Variants in RAPGEF6 observed in about 807,000 individuals in gnomAD.
RAPGEF6 encodes the protein Rap guanine nucleotide exchange factor 6, also known as PDZ domain containing guanine nucleotide exchange factor (GEF) 2.
RAPGEF6 carries 56 observed loss-of-function variants against 171.4 expected under a neutral mutation model. The ratio of observed to expected loss-of-function variants is 0.33; its 90% CI spans 0.26 to 0.41. The LOEUF (loss-of-function observed/expected upper bound fraction) is 0.41. Ranked by LOEUF, RAPGEF6 falls within the 10% of genes least tolerant of loss-of-function variation. The pLI is 1.00. For synonymous variants in RAPGEF6, 692 were observed against 650.1 expected, an observed-to-expected ratio of 1.06 and a Z score of -0.98; for missense variants, 1,674 against 1,921.4, an observed-to-expected ratio of 0.87 and a Z score of 2.41.
Position 131,442,544 on chromosome 5 carries a change from G to A in RAPGEF6, c.3422-7C>T. On this transcript the variant is annotated splice_polypyrimidine_tract_variant and splice_region_variant and intron_variant, in intron 22 of 27. Coordinates refer to ENST00000509018, the MANE Select transcript of RAPGEF6 (RefSeq NM_016340.6). ...TCACTTAAATTCTTGGTCACTAACA[G>A]GAGAGAGTAAGAAATAAGTAACTGC... The A allele has an allele frequency of 6.2e-7, 1 of 1,613,152 alleles. No individual in the cohort carries two copies. Among genetic ancestry groups the A allele is most frequent in the Non-Finnish European group, 8.5e-7 (1 of 1,179,506 alleles).
In RAPGEF6 at chr5:131,611,429, G is replaced by C. The variant is rs544965643; in HGVS notation, c.70-6736C>G. Among the ~76,000 whole-genome samples, 12 of 152,176 alleles carry C rather than the reference G, an allele frequency of 7.9e-5. No homozygotes were observed. The South Asian group carries it at 2.5e-3, about 32-fold the overall frequency. ...TCACACCTGTAATCCCAATACTTTG[G>C]GAGGCCAAAGTGAGTGGAGATCAAC... On this transcript the variant is annotated intron_variant, in intron 1 of 27. Coordinates refer to ENST00000509018, the MANE Select transcript of RAPGEF6 (RefSeq NM_016340.6).
chr5:131,454,537 A>G (rs1753345615), intron 20 of RAPGEF6, among the ~76,000 whole-genome samples: 1 of 152,190 alleles, frequency 6.6e-6, no homozygotes, highest in African/African-American at 2.4e-5. Flanking sequence ...AGAAAAAACA[A>G]TGAGAACTCT....
chr5:131,541,726 T>G (rs1760166242), intron 6 of RAPGEF6, among the ~76,000 whole-genome samples: 1 of 152,182 alleles, frequency 6.6e-6, no homozygotes, highest in African/African-American at 2.4e-5. Flanking sequence ...GGTAATGTAT[T>G]TAAAAACTAA....
intron 16 of RAPGEF6, 26 bp downstream of exon 16, chr5:131,479,487 G>A: frequency 6.2e-7 from 1 of 1,609,040 alleles, no homozygotes; most frequent in Non-Finnish European, 8.5e-7. Flanking sequence ...GAAAATTCCT[G>A]CATAGCTAAG....
intron 3 of RAPGEF6, among the ~76,000 whole-genome samples, chr5:131,600,333 C>T (rs528852621): frequency 6.6e-6 from 1 of 152,178 alleles, no homozygotes; most frequent in South Asian, 2.1e-4. Flanking sequence ...ACCAGCCTGG[C>T]CAATGTGGTG....
At position 131,504,613 on chromosome 5, in the gene RAPGEF6, T is replaced by A. The variant is rs1394229819; in HGVS notation, c.1254+13A>T. On this transcript the variant is annotated intron_variant, in intron 11 of 27. Coordinates refer to ENST00000509018, the MANE Select transcript of RAPGEF6 (RefSeq NM_016340.6). ...TAAAATCAGTGACTAGAAAAATAAG[T>A]AAAAACACCCACCTTGATCACAATG... 1 of 1,559,714 alleles carries A rather than the reference T, an allele frequency of 6.4e-7. No individual in the cohort carries two copies. Among genetic ancestry groups the A allele is most frequent in the Non-Finnish European group, 8.6e-7 (1 of 1,159,276 alleles).
chr5:131,526,257 G>A (rs867402156), intron 6 of RAPGEF6, among the ~76,000 whole-genome samples: 29 of 152,288 alleles, frequency 1.9e-4, no homozygotes, highest in Middle Eastern at 3.4e-3. Context: ...GATGCTGACT[G>A]CAATGAACAT....
At chr5:131,527,199 A>G (rs1758928846) in intron 6 of RAPGEF6, among the ~76,000 whole-genome samples, 1 of 152,172 alleles carries the variant, frequency 6.6e-6, no homozygotes, top group South Asian at 2.1e-4. Context: ...CTTAGTATAC[A>G]GAGACTCAGA....
At chr5:131,443,270 G>A (rs1012949705) in intron 22 of RAPGEF6, among the ~76,000 whole-genome samples, 5 of 151,804 alleles carry the variant, frequency 3.3e-5, no homozygotes, top group African/African-American at 1.2e-4. Context: ...TAGAGATGGA[G>A]TTTCACCACG....
chr5:131,509,501 CCACTG>C (rs1670737059), intron 8 of RAPGEF6, among the ~76,000 whole-genome samples: 1 of 151,666 alleles, frequency 6.6e-6, no homozygotes, highest in Non-Finnish European at 1.5e-5. Context: ...CAAGATTGCG[CCACTG>C]CACTCCAGCC....
At chr5:131,522,528 C>T (rs904489146) in intron 6 of RAPGEF6, among the ~76,000 whole-genome samples, 26 of 152,122 alleles carry the variant, frequency 1.7e-4, no homozygotes, top group Admixed American at 6.5e-5. Context: ...ATTATGTTAT[C>T]TCAAGAGGAG....
At position 131,604,578 on chromosome 5, in the gene RAPGEF6, G is replaced by A. The variant is rs190968449; in HGVS notation, c.140+45C>T. The A allele has an allele frequency of 1.7e-5, 27 of 1,585,818 alleles. No individual in the cohort carries two copies. The African/African-American group carries it at 2.3e-4, about 13-fold the overall frequency. On this transcript the variant is annotated intron_variant, in intron 2 of 27. Transcript: ENST00000509018. ...ACAAATATTTGGTGAATAAATGAAT[G>A]AATGGCTATACAGCGTGTGCTCTTA...
intron 14 of RAPGEF6, among the ~76,000 whole-genome samples, chr5:131,490,780 C>G (rs542162156): frequency 5.5e-4 from 83 of 152,200 alleles, no homozygotes; most frequent in Middle Eastern, 3.4e-3. Context: ...GTACCAAAGA[C>G]AACTGTGAAA....
At chr5:131,585,187 C>T (rs149706782) in intron 4 of RAPGEF6, among the ~76,000 whole-genome samples, 231 of 151,584 alleles carry the variant, frequency 1.5e-3, no homozygotes, top group African/African-American at 5.4e-3. Context: ...TGGAAAACGA[C>T]GCAACATTAT....
rs372339216 is a variant in RAPGEF6, at chr5:131,528,338, T to TACACACACACAC, written c.496-6829_496-6818dup. On this transcript the variant is annotated intron_variant, in intron 6 of 27. Coordinates refer to ENST00000509018, the MANE Select transcript of RAPGEF6 (RefSeq NM_016340.6). ...TTATATATATATATATATATATATA[T>TACACACACACAC]ACACACACACACACATATATATATA... Among the ~76,000 whole-genome samples, 32 of 26,308 alleles carry TACACACACACAC rather than the reference T, an allele frequency of 1.2e-3. 1 individual carries two copies. The highest frequency in any genetic ancestry group is 1.8e-3 in the African/African-American group (31 of 16,824). 17.3% of individuals were successfully genotyped at this position (26,308 alleles called of 152,430 possible). A position where few individuals can be genotyped will look rare whatever the true frequency, so the allele number is the denominator to read the frequency against.
At chr5:131,616,781 T>C (rs141297994) in intron 1 of RAPGEF6, among the ~76,000 whole-genome samples, 2,155 of 151,944 alleles carry the variant, frequency 0.014, 14 homozygotes, top group Non-Finnish European at 0.023. Flanking sequence ...CCCCCAGCTT[T>C]TTTTTTTTCC....
chr5:131,537,152 T>C (rs549576423), intron 6 of RAPGEF6, among the ~76,000 whole-genome samples: 1 of 152,340 alleles, frequency 6.6e-6, no homozygotes, highest in Admixed American at 6.5e-5. Context: ...TGGTATACAT[T>C]AGTATCTGAG....
rs1273818316 is a variant in RAPGEF6, at chr5:131,431,010, A to C, written c.4314T>G (p.Ser1438=). The C allele has an allele frequency of 6.2e-7, 1 of 1,614,218 alleles. No homozygotes were observed. Among genetic ancestry groups the C allele is most frequent in the Admixed American group, 1.7e-5 (1 of 60,028 alleles). The change falls in exon 26 of 28, where the codon TCT becomes TCG. Residue 1438 remains serine (S), a synonymous_variant. Transcript: ENST00000509018. ...AGTTTGGTTCATACGTGTCAGACAG[A>C]GAACTGGAGGAGGTCCAACTCTTTC... ...LERKSWTSSS[S]LSDTYEPNYG...
At chr5:131,440,023 G>A in intron 23 of RAPGEF6, 1 of 412,044 alleles carries the variant, frequency 2.4e-6, no homozygotes, top group South Asian at 2.1e-5. Flanking sequence ...TTGACACAGT[G>A]ATTTGAAATC....
Sources: allele counts gnomAD v4.1 joint callset (sites outside exome capture counted in the v4.1 genomes callset), GRCh38; gene constraint gnomAD v4.1.1; transcripts MANE v1.5; gene names NCBI Gene and HGNC (gene_info 2026-07-23, HGNC 2026-07-21).